Variants in PRKCB observed in about 807,000 individuals in gnomAD.
PRKCB encodes protein kinase C beta, also known as protein kinase C beta type.
A neutral mutation model predicts 81.5 loss-of-function variants in PRKCB; 13 were observed. The ratio of observed to expected loss-of-function variants is 0.16; its 90% CI spans 0.10 to 0.25. The LOEUF is 0.25. Among genes scored for constraint, PRKCB ranks in the 10% least tolerant of loss-of-function variants. The probability of loss-of-function intolerance (pLI) is 1.00; values close to 1 mark genes in which losing one functional copy is unlikely to be tolerated. For synonymous variants in PRKCB, 335 were observed against 321.4 expected (o/e 1.04, Z -0.45); for missense variants, 509 against 875.7 (o/e 0.58, Z 5.29).
At chr16:23,953,509 C>T (rs1210649468) in intron 2 of PRKCB, among the ~76,000 whole-genome samples, 1 of 152,184 alleles carries the variant, frequency 6.6e-6, no homozygotes, top group Non-Finnish European at 1.5e-5. Context: ...TGAGAACTGT[C>T]TGTTGAGAGC....
Position 24,219,505 on chromosome 16 carries a change from C to T in PRKCB, c.*4689C>T. On this transcript the variant is annotated 3_prime_UTR_variant, in exon 17 of 17. Transcript: ENST00000643927. Reference sequence around the variant, plus strand: ...GGCAGAGTAGATGGGCAGCAGTTCACCTTTTCAGAGAAAGAGGTCTTCTAG... The same window carrying T: ...GGCAGAGTAGATGGGCAGCAGTTCATCTTTTCAGAGAAAGAGGTCTTCTAG... The T allele has an allele frequency of 4.0e-6, 4 of 988,042 alleles. No homozygotes were observed. Among genetic ancestry groups the T allele is most frequent in the Non-Finnish European group, 4.8e-6 (4 of 831,758 alleles). 61.2% of individuals were successfully genotyped at this position (988,042 alleles called of 1,614,324 possible).
At chr16:24,044,962 G>T (rs928208221) in intron 5 of PRKCB, among the ~76,000 whole-genome samples, 13 of 152,184 alleles carry the variant, frequency 8.5e-5, no homozygotes, top group Admixed American at 7.2e-4. Context: ...GTGAAGAAAG[G>T]TGTGGAAGGA....
Position 24,092,782 on chromosome 16 carries a change from C to G in PRKCB, c.530-9C>G, listed in dbSNP as rs759210165. On this transcript the variant is annotated splice_polypyrimidine_tract_variant and intron_variant, in intron 5 of 16. Coordinates refer to ENST00000643927, the MANE Select transcript of PRKCB (RefSeq NM_002738.7). The stretch of plus-strand genomic sequence containing the variant: ...AGTATTAATGCAAAAACTGCTTTTT[C>G]TTTTTCAGTAAGAGATGCTAAAAAC... 4 of 1,610,388 alleles carry G rather than the reference C, an allele frequency of 2.5e-6. No individual in the cohort carries two copies. The highest frequency in any genetic ancestry group is 3.4e-6 in the Non-Finnish European group (4 of 1,178,604).
chr16:23,978,109 G>A (rs80321424), intron 2 of PRKCB, among the ~76,000 whole-genome samples: 4 of 152,102 alleles, frequency 2.6e-5, no homozygotes, highest in Non-Finnish European at 5.9e-5. Flanking sequence ...ATTTGAGGCC[G>A]AATGACCAGC....
intron 2 of PRKCB, among the ~76,000 whole-genome samples, chr16:23,940,880 A>G (rs533387024): frequency 6.6e-6 from 1 of 152,316 alleles, no homozygotes; most frequent in Non-Finnish European, 1.5e-5. Flanking sequence ...CTCCTCCACT[A>G]TAAAACAGGG....
intron 5 of PRKCB, among the ~76,000 whole-genome samples, chr16:24,035,923 T>C (rs1413657290): frequency 6.6e-6 from 1 of 152,140 alleles, no homozygotes; most frequent in Non-Finnish European, 1.5e-5. Flanking sequence ...TTTACTCAGA[T>C]AGCAGAGAAG....
chr16:24,215,987 A>T lies in PRKCB; in HGVS notation c.*1171A>T, dbSNP rs768153480. The stretch of plus-strand genomic sequence containing the variant: ...TTTTCTTCTAGCATCGAGATACAAT[A>T]AAAAAAAAAAAAAAGAAAAGAAGAA... On this transcript the variant is annotated 3_prime_UTR_variant, in exon 17 of 17. Coordinates refer to ENST00000643927, the MANE Select transcript of PRKCB (RefSeq NM_002738.7). The T allele has an allele frequency of 1.3e-4, 13 of 96,352 alleles. No homozygotes were observed. Among genetic ancestry groups the T allele is most frequent in the African/African-American group, 1.7e-4 (3 of 17,968 alleles). The allele number at this position is 96,352 out of a possible 1,614,324, so 6.0% of individuals were successfully genotyped here. A position where few individuals can be genotyped will look rare whatever the true frequency, so the allele number is the denominator to read the frequency against.
chr16:24,209,191 G>A (rs750014635), intron 16 of PRKCB, among the ~76,000 whole-genome samples: 3 of 152,110 alleles, frequency 2.0e-5, no homozygotes, highest in Non-Finnish European at 2.9e-5. Context: ...AGACTGGCTG[G>A]CTTGGGTTCC....
Position 24,218,929 on chromosome 16 carries a change from C to G in PRKCB, c.*4113C>G. On this transcript the variant is annotated 3_prime_UTR_variant, in exon 17 of 17. Transcript: ENST00000643927. The stretch of plus-strand genomic sequence containing the variant: ...ATGTGGTCAGGTAAAAATCAGGAAC[C>G]CACTGAAATCTTGGGCAAGCCACCC... 1 of 985,416 alleles carries G rather than the reference C, an allele frequency of 1.0e-6. No homozygotes were observed. Among genetic ancestry groups the G allele is most frequent in the Non-Finnish European group, 1.2e-6 (1 of 830,012 alleles). 61.0% of individuals were successfully genotyped at this position (985,416 alleles called of 1,614,324 possible).
intron 2 of PRKCB, among the ~76,000 whole-genome samples, chr16:23,976,171 G>A (rs1964622939): frequency 1.3e-5 from 2 of 152,028 alleles, no homozygotes; most frequent in African/African-American, 2.4e-5. Flanking sequence ...AGGTGTAATG[G>A]TGTGCACCTG....
intron 5 of PRKCB, among the ~76,000 whole-genome samples, chr16:24,067,599 G>A (rs1966053103): frequency 6.6e-6 from 1 of 152,120 alleles, no homozygotes; most frequent in African/African-American, 2.4e-5. Context: ...ACGCCTAGGT[G>A]TTTTTTGCTT....
Position 24,100,072 on chromosome 16 carries a change from C to T in PRKCB, c.821+5775C>T, listed in dbSNP as rs1966486682. On this transcript the variant is annotated intron_variant, in intron 7 of 16. Transcript: ENST00000643927. ...ACCTTTGCCTGGCCTGGCGTTAGTCCTGTTTATAATCTGATATTTTATTGC... is the reference window on the plus strand; with the variant it reads ...ACCTTTGCCTGGCCTGGCGTTAGTCTTGTTTATAATCTGATATTTTATTGC... The T allele has an allele frequency of 2.0e-5, 3 of 152,006 alleles. No individual in the cohort carries two copies. The South Asian group carries it at 6.3e-4, about 32-fold the overall frequency. 9.4% of individuals were successfully genotyped at this position (152,006 alleles called of 1,614,324 possible). A position where few individuals can be genotyped will look rare whatever the true frequency, so the allele number is the denominator to read the frequency against.
rs1968236735 is a variant in PRKCB at position 24,216,944 on chromosome 16, C to T, written c.*2128C>T. 2.0e-6 allele frequency: 2 copies of T among 985,276 alleles called. No homozygotes were observed. The highest frequency in any genetic ancestry group is 6.2e-5 in the Admixed American group (1 of 16,250). The allele number at this position is 985,276 out of a possible 1,614,324, so 61.0% of individuals were successfully genotyped here. On this transcript the variant is annotated 3_prime_UTR_variant, in exon 17 of 17. Transcript: ENST00000643927. ...GCAGACATCTCTGAGCCAGGCCCACCAACAGGCCCTTATCTGGTGGTTGGA... is the reference window on the plus strand; with the variant it reads ...GCAGACATCTCTGAGCCAGGCCCACTAACAGGCCCTTATCTGGTGGTTGGA...
intron 2 of PRKCB, among the ~76,000 whole-genome samples, chr16:23,881,998 CTT>C (rs1184025709): frequency 7.7e-5 from 6 of 77,668 alleles, no homozygotes; most frequent in African/African-American, 2.8e-4. Context: ...TTCTTTCTTT[CTT>C]TCTTTCTTTC....
intron 6 of PRKCB, among the ~76,000 whole-genome samples, chr16:24,093,750 G>C (rs2141901268): frequency 1.3e-5 from 2 of 152,340 alleles, no homozygotes; most frequent in Middle Eastern, 6.8e-3. Context: ...TCTCAGAACA[G>C]ACAATTTCCC....
intron 3 of PRKCB, among the ~76,000 whole-genome samples, chr16:24,001,922 G>C (rs1411669322): frequency 2.0e-5 from 3 of 152,210 alleles, no homozygotes; most frequent in East Asian, 1.9e-4. Context: ...TGGAACTGAA[G>C]CTCCAGTACT....
At chr16:24,011,699 T>C (rs1271643843) in intron 3 of PRKCB, among the ~76,000 whole-genome samples, 1 of 152,014 alleles carries the variant, frequency 6.6e-6, no homozygotes, top group African/African-American at 2.4e-5. Context: ...AATTTTTTTG[T>C]AGAGATGGGG....
Position 24,217,205 on chromosome 16 carries a change from A to G in PRKCB, c.*2389A>G. The G allele has an allele frequency of 1.0e-6, 1 of 984,922 alleles. No homozygotes were observed. Among genetic ancestry groups the G allele is most frequent in the Non-Finnish European group, 1.2e-6 (1 of 829,782 alleles). 61.0% of individuals were successfully genotyped at this position (984,922 alleles called of 1,614,324 possible). On this transcript the variant is annotated 3_prime_UTR_variant, in exon 17 of 17. Coordinates refer to ENST00000643927, the MANE Select transcript of PRKCB (RefSeq NM_002738.7). The stretch of plus-strand genomic sequence containing the variant: ...AGGAATATAGTGTTATAAATACTGC[A>G]CTCAACATTTTCCAAATTCTTGCCA...
At chr16:23,931,660 A>G (rs1963978908) in intron 2 of PRKCB, among the ~76,000 whole-genome samples, 1 of 152,022 alleles carries the variant, frequency 6.6e-6, no homozygotes, top group South Asian at 2.1e-4. Flanking sequence ...CAGCTGTGCT[A>G]CCGAGACGGG....
Sources: allele counts gnomAD v4.1 joint callset (sites outside exome capture counted in the v4.1 genomes callset), GRCh38; gene constraint gnomAD v4.1.1; transcripts MANE v1.5; gene names NCBI Gene and HGNC (gene_info 2026-07-23, HGNC 2026-07-21).